Variants in RAD51B observed in about 807,000 individuals in gnomAD.
RAD51B encodes DNA repair protein RAD51 homolog 2.
RAD51B carries 38 observed loss-of-function variants against 42.2 expected under a neutral mutation model. The observed-to-expected ratio is 0.90, with a 90% CI of 0.70 to 1.18. The LOEUF (loss-of-function observed/expected upper bound fraction) is 1.18, where lower values mean the gene tolerates loss of function less well. Ranked by LOEUF, RAD51B falls within the 50% of genes most tolerant of loss-of-function variation. RAD51B has a pLI of 0.00. For synonymous variants in RAD51B, 154 were observed against 145.2 expected (o/e 1.06, Z -0.43); for missense variants, 373 against 400.7 (o/e 0.93, Z 0.59).
chr14:68,465,155 G>A (rs954902295), intron 9 of RAD51B, among the ~76,000 whole-genome samples: 2 of 152,114 alleles, frequency 1.3e-5, no homozygotes, highest in Non-Finnish European at 2.9e-5. Flanking sequence ...TTTATTTATT[G>A]CTATTTACAC....
chr14:68,399,525 G>A (rs976613472), intron 8 of RAD51B, among the ~76,000 whole-genome samples: 4 of 152,252 alleles, frequency 2.6e-5, no homozygotes, highest in East Asian at 1.9e-4. Flanking sequence ...CCAAAGTGCC[G>A]GGATTACAGG....
Position 68,150,526 on chromosome 14 carries a change from A to G in RAD51B, c.757-141358A>G, listed in dbSNP as rs547607544. Among the ~76,000 whole-genome samples the G allele has an allele frequency of 9.8e-5, 15 of 152,332 alleles. No individual in the cohort carries two copies. The South Asian group carries it at 2.7e-3, about 27-fold the overall frequency. ...TATAATTTTCTTACATAGGTCTTGTACATATTTTGTTTGGTTTATACCTAA... is the reference window on the plus strand; with the variant it reads ...TATAATTTTCTTACATAGGTCTTGTGCATATTTTGTTTGGTTTATACCTAA... On this transcript the variant is annotated intron_variant, in intron 7 of 10. Transcript: ENST00000471583.
intron 8 of RAD51B, among the ~76,000 whole-genome samples, chr14:68,408,878 C>G (rs1466835037): frequency 6.6e-6 from 1 of 152,106 alleles, no homozygotes; most frequent in Non-Finnish European, 1.5e-5. Context: ...CCCTTGAGAT[C>G]CTGGATGAAT....
rs1337095581 is a variant in RAD51B at position 68,245,314 on chromosome 14, T to TG, written c.757-46569dup. On this transcript the variant is annotated intron_variant, in intron 7 of 10. Coordinates refer to ENST00000471583, the MANE Select transcript of RAD51B (RefSeq NM_133510.4). ...TGCTAAATTCTGAGTCAAATAGACTTGCAACTATGGTTGATCAGATTTGTG... is the reference window on the plus strand; with the variant it reads ...TGCTAAATTCTGAGTCAAATAGACTTGGCAACTATGGTTGATCAGATTTGTG... Among the ~76,000 whole-genome samples, 5 of 152,342 alleles carry TG rather than the reference T, an allele frequency of 3.3e-5. No homozygotes were observed. In the East Asian group the frequency reaches 9.6e-4, roughly 29 times the overall value.
At chr14:68,545,572 T>C (rs1330414289) in intron 10 of RAD51B, 2 of 455,928 alleles carry the variant, frequency 4.4e-6, no homozygotes, top group Non-Finnish European at 8.8e-6. Flanking sequence ...GTGAGAAACA[T>C]TTTGGAGACC....
intron 7 of RAD51B, among the ~76,000 whole-genome samples, chr14:67,999,459 A>G (rs928887962): frequency 6.6e-6 from 1 of 152,206 alleles, no homozygotes; most frequent in Non-Finnish European, 1.5e-5. Context: ...GACCTACAAG[A>G]GTGGACTGGT....
chr14:67,940,549 G>A (rs1464571119), intron 7 of RAD51B, among the ~76,000 whole-genome samples: 2 of 152,028 alleles, frequency 1.3e-5, no homozygotes, highest in East Asian at 3.9e-4. Context: ...CACATTGCCT[G>A]ACTCTCCTGT....
At chr14:68,479,316 G>A (rs1376401146), downstream of RAD51B, among the ~76,000 whole-genome samples, 3 of 152,184 alleles carry the variant, frequency 2.0e-5, no homozygotes, top group African/African-American at 7.2e-5. Flanking sequence ...GTAGGGTTCA[G>A]GATACAGTAC....
At chr14:68,084,647 G>A (rs893829464) in intron 7 of RAD51B, among the ~76,000 whole-genome samples, 1 of 152,224 alleles carries the variant, frequency 6.6e-6, no homozygotes, top group Non-Finnish European at 1.5e-5. Context: ...AAATGTTGGG[G>A]TAATATTTTG....
downstream of RAD51B, among the ~76,000 whole-genome samples, chr14:68,478,722 G>C (rs1248335210): frequency 2.0e-5 from 3 of 152,238 alleles, no homozygotes; most frequent in African/African-American, 7.2e-5. Context: ...TTAGTGCATT[G>C]AGGGCTAGAA....
chr14:68,317,571 G>A (rs1016753971), intron 8 of RAD51B, among the ~76,000 whole-genome samples: 2 of 147,446 alleles, frequency 1.4e-5, no homozygotes, highest in African/African-American at 2.7e-5. Context: ...CCCTACCCTC[G>A]GCTCCATTTG....
At position 68,491,729 on chromosome 14, in the gene RAD51B, G is replaced by T. The variant is rs574507335; in HGVS notation, c.1036+23479G>T. On this transcript the variant is annotated intron_variant, in intron 10 of 10. Transcript: ENST00000487270. ...TTCCCCAGTTTGTAAAATGGGAATAGAAATAATCTGCCTAATCTTCATGCC... is the reference window on the plus strand; with the variant it reads ...TTCCCCAGTTTGTAAAATGGGAATATAAATAATCTGCCTAATCTTCATGCC... Among the ~76,000 whole-genome samples, 4 of 152,338 alleles carry T rather than the reference G, an allele frequency of 2.6e-5. No homozygotes were observed. The South Asian group carries it at 6.2e-4, about 24-fold the overall frequency.
rs1367952965 is a variant in RAD51B, at chr14:67,893,496, AC to A, written c.756+6293del. Among the ~76,000 whole-genome samples, 290 of 94,260 alleles carry A rather than the reference AC, an allele frequency of 3.1e-3. 7 individuals are homozygous for A. Among genetic ancestry groups the A allele is most frequent in the South Asian group, 5.1e-3 (14 of 2,754 alleles). The allele number at this position is 94,260 out of a possible 152,430, so 61.8% of individuals were successfully genotyped here. Reference sequence around the variant, plus strand: ...CACACACACACACACACACACACACACACACACACACACAAAAAAAAACAAT... The same window carrying A: ...CACACACACACACACACACACACACAACACACACACACAAAAAAAAACAAT... On this transcript the variant is annotated intron_variant, in intron 7 of 10. Transcript: ENST00000471583.
At chr14:68,283,337 A>G (rs2081355436) in intron 7 of RAD51B, among the ~76,000 whole-genome samples, 1 of 152,212 alleles carries the variant, frequency 6.6e-6, no homozygotes, top group African/African-American at 2.4e-5. Context: ...ACTACACACC[A>G]AAGCAACTTG....
intron 11 of RAD51B, among the ~76,000 whole-genome samples, chr14:68,671,050 C>T (rs1893145976): frequency 6.6e-6 from 1 of 152,196 alleles, no homozygotes; most frequent in Admixed American, 6.5e-5. Flanking sequence ...TGGGGAGATA[C>T]AGCCCAAACG....
chr14:67,982,971 A>C (rs952276979), intron 7 of RAD51B, among the ~76,000 whole-genome samples: 3 of 152,128 alleles, frequency 2.0e-5, no homozygotes, highest in Non-Finnish European at 2.9e-5. Flanking sequence ...GGCACAGGTG[A>C]GAATTGCTTG....
At chr14:68,268,834 T>C (rs1232834150) in intron 7 of RAD51B, among the ~76,000 whole-genome samples, 1 of 152,258 alleles carries the variant, frequency 6.6e-6, no homozygotes, top group Non-Finnish European at 1.5e-5. Context: ...TACTGACTGA[T>C]AGAATGAGAC....
At chr14:68,300,001 G>A (rs2081693573) in intron 8 of RAD51B, among the ~76,000 whole-genome samples, 1 of 152,112 alleles carries the variant, frequency 6.6e-6, no homozygotes, top group South Asian at 2.1e-4. Context: ...TAAAGAAGAT[G>A]GCCAGTACAC....
chr14:68,098,961 C>T (rs117449916), intron 7 of RAD51B, among the ~76,000 whole-genome samples: 1,920 of 152,234 alleles, frequency 0.013, 19 homozygotes, highest in Non-Finnish European at 0.021. Flanking sequence ...GTACCAGGCT[C>T]TGTTCTAGGG....
Sources: gnomAD v4.1 joint callset for allele counts (sites outside exome capture counted in the v4.1 genomes callset) on GRCh38, gnomAD v4.1.1 for gene constraint, MANE v1.5 for transcripts, NCBI Gene and HGNC (gene_info 2026-07-23, HGNC 2026-07-21) for gene names.